Variants in PPM1L observed in about 807,000 individuals in gnomAD.
PPM1L encodes the protein protein phosphatase 1L.
PPM1L carries 13 observed loss-of-function variants against 31.4 expected under a neutral mutation model. The observed-to-expected ratio is 0.41, with a 90% confidence interval of 0.27 to 0.66. PPM1L has a LOEUF of 0.66. Among genes scored for constraint, PPM1L ranks in the 30% least tolerant of loss-of-function variants. The pLI is 0.29. For synonymous variants in PPM1L, 184 were observed against 175.4 expected (o/e 1.05, Z -0.39); for missense variants, 326 against 453.7 (o/e 0.72, Z 2.56).
At chr3:160,913,161 C>T (rs1347382789) in intron 1 of PPM1L, among the ~76,000 whole-genome samples, 2 of 152,006 alleles carry the variant, frequency 1.3e-5, no homozygotes, top group Non-Finnish European at 2.9e-5. Context: ...AGTAATAGCT[C>T]AAAGAGTTTT....
At chr3:160,784,645 TA>T (rs953593803) in intron 1 of PPM1L, among the ~76,000 whole-genome samples, 9 of 152,338 alleles carry the variant, frequency 5.9e-5, no homozygotes, top group African/African-American at 2.2e-4. Context: ...AAATGTCTTT[TA>T]AAAAATGGTT....
Position 161,016,348 on chromosome 3 carries a change from G to A in PPM1L, c.575-49055G>A, listed in dbSNP as rs1718087573. Among the ~76,000 whole-genome samples the A allele has an allele frequency of 2.6e-5, 4 of 152,134 alleles. No individual in the cohort carries two copies. The South Asian group carries it at 8.3e-4, about 32-fold the overall frequency. On this transcript the variant is annotated intron_variant, in intron 2 of 3. Transcript: ENST00000498165. ...GAGAGGCCTATCATATTCCCCTAAG[G>A]AGCTTGTAGTCTTGTGAATGAAACA...
intron 2 of PPM1L, among the ~76,000 whole-genome samples, chr3:160,983,983 G>A (rs1456723548): frequency 3.3e-5 from 5 of 152,154 alleles, no homozygotes; most frequent in Non-Finnish European, 7.4e-5. Context: ...AGGTTAGGGC[G>A]AGATCACAAG....
At chr3:160,771,201 G>A (rs1404889254) in intron 1 of PPM1L, among the ~76,000 whole-genome samples, 1 of 152,012 alleles carries the variant, frequency 6.6e-6, no homozygotes, top group East Asian at 1.9e-4. Flanking sequence ...CTTCTATAAA[G>A]TAATAGAATA....
chr3:160,857,164 AT>A (rs1220486646), intron 1 of PPM1L, among the ~76,000 whole-genome samples: 2 of 151,968 alleles, frequency 1.3e-5, no homozygotes, highest in East Asian at 1.9e-4. Flanking sequence ...AAATACGGAA[AT>A]TTTTTTTGCT....
intron 2 of PPM1L, among the ~76,000 whole-genome samples, chr3:161,035,351 C>G (rs1481824335): frequency 1.3e-5 from 2 of 152,176 alleles, no homozygotes; most frequent in Admixed American, 6.5e-5. Context: ...AGGAAAACTT[C>G]TGTTTCATGG....
chr3:160,822,464 T>C (rs550217747), intron 1 of PPM1L, among the ~76,000 whole-genome samples: 1 of 152,228 alleles, frequency 6.6e-6, no homozygotes, highest in East Asian at 1.9e-4. Context: ...AAAAAATATG[T>C]ATAACAAGAG....
At chr3:161,024,532 C>G (rs1718326656) in intron 2 of PPM1L, among the ~76,000 whole-genome samples, 1 of 151,958 alleles carries the variant, frequency 6.6e-6, no homozygotes, top group Admixed American at 6.6e-5. Context: ...AACCCCATCT[C>G]TACTAAAAAT....
chr3:160,946,713 GGGCTTCTTTCCTTT>G, intron 1 of PPM1L, among the ~76,000 whole-genome samples: 1 of 152,042 alleles, frequency 6.6e-6, no homozygotes, highest in Non-Finnish European at 1.5e-5. Context: ...GGAGACCATT[GGGCTTCTTTCCTTT>G]GCCTTTGAAA....
At chr3:160,923,395 TATGTGTTATTTC>T (rs1714479368) in intron 1 of PPM1L, among the ~76,000 whole-genome samples, 2 of 152,178 alleles carry the variant, frequency 1.3e-5, no homozygotes, top group Non-Finnish European at 2.9e-5. Flanking sequence ...ATAAAAACCA[TATGTGTTATTTC>T]CTGATTCTTA....
chr3:160,830,562 G>C (rs1422603318), intron 1 of PPM1L, among the ~76,000 whole-genome samples: 1 of 152,156 alleles, frequency 6.6e-6, no homozygotes, highest in African/African-American at 2.4e-5. Flanking sequence ...AGAGAAACAA[G>C]TTAAATCATA....
chr3:160,981,920 A>G (rs962896649), intron 2 of PPM1L, among the ~76,000 whole-genome samples: 1 of 151,742 alleles, frequency 6.6e-6, no homozygotes, highest in Non-Finnish European at 1.5e-5. Flanking sequence ...ACACCACCAC[A>G]CCCAGCTAAT....
chr3:160,998,478 C>G (rs755857127), intron 2 of PPM1L, among the ~76,000 whole-genome samples: 1 of 152,168 alleles, frequency 6.6e-6, no homozygotes, highest in African/African-American at 2.4e-5. Flanking sequence ...TCTCTTCCCT[C>G]CCTTTTTTTT....
In PPM1L at chr3:160,897,350, C is replaced by T. The variant is rs59926667; in HGVS notation, c.400-64386C>T. On this transcript the variant is annotated intron_variant, in intron 1 of 3. Coordinates refer to ENST00000498165, the MANE Select transcript of PPM1L (RefSeq NM_139245.4). ...GCCACCGTGCCTGGCCAACTACTGA[C>T]TCTTATAAAGATTTATTACCAGATG... is the stretch of plus-strand genomic sequence containing the variant. Among the ~76,000 whole-genome samples, 18 of 152,186 alleles carry T rather than the reference C, an allele frequency of 1.2e-4. No homozygotes were observed. In the East Asian group the frequency reaches 3.5e-3, roughly 29 times the overall value.
At chr3:160,946,686 G>A (rs887447488) in intron 1 of PPM1L, among the ~76,000 whole-genome samples, 2 of 152,084 alleles carry the variant, frequency 1.3e-5, no homozygotes, top group Admixed American at 1.3e-4. Flanking sequence ...AAAATAACAA[G>A]GTGGGATTTG....
chr3:160,998,962 A>G (rs1460090713), intron 2 of PPM1L, among the ~76,000 whole-genome samples: 1 of 152,210 alleles, frequency 6.6e-6, no homozygotes. Context: ...ACAAAAAAAG[A>G]AAAGAAAAGA....
At chr3:160,960,574 G>T (rs1446153085) in intron 1 of PPM1L, among the ~76,000 whole-genome samples, 4 of 146,972 alleles carry the variant, frequency 2.7e-5, no homozygotes, top group African/African-American at 1.0e-4. Context: ...GTGTGTGTGT[G>T]TGTGTGTGTG....
chr3:160,966,274 G>C (rs576237412), intron 2 of PPM1L, among the ~76,000 whole-genome samples: 1 of 152,064 alleles, frequency 6.6e-6, no homozygotes, highest in Non-Finnish European at 1.5e-5. Context: ...GACTTAAAAT[G>C]TTATACTTTA....
chr3:160,765,846 C>A (rs1283737659), intron 1 of PPM1L, among the ~76,000 whole-genome samples: 1 of 151,982 alleles, frequency 6.6e-6, no homozygotes, highest in South Asian at 2.1e-4. Context: ...AGGATCAAAA[C>A]AGTTTCCTAT....
Sources: allele counts gnomAD v4.1 joint callset (sites outside exome capture counted in the v4.1 genomes callset), GRCh38; gene constraint gnomAD v4.1.1; transcripts MANE v1.5; gene names NCBI Gene and HGNC (gene_info 2026-07-23, HGNC 2026-07-21).